Variants in AFG2A observed in about 807,000 individuals in gnomAD.
AFG2A encodes ATPase family gene 2 protein homolog A.
At chr4:122,945,354 G>A in the AFG2A span, among the ~76,000 whole-genome samples, 4 of 152,218 alleles carry the variant, frequency 2.6e-5, no homozygotes, top group Admixed American at 1.3e-4. Flanking sequence ...AATGGCGGGC[G>A]CCCCTCCCCC....
chr4:122,982,864 CTTTTTTTTTTTT>C, the AFG2A span, among the ~76,000 whole-genome samples: 1 of 93,766 alleles, frequency 1.1e-5, no homozygotes, highest in Admixed American at 1.4e-4. Flanking sequence ...TAATCTTCTT[CTTTTTTTTTTTT>C]TTTTTTTTTG....
chr4:123,207,330 G>T, the AFG2A span, among the ~76,000 whole-genome samples: 1 of 127,380 alleles, frequency 7.9e-6, no homozygotes, highest in Non-Finnish European at 1.6e-5. Flanking sequence ...TAGCTCTGTC[G>T]TCTGGGGTGG....
At chr4:123,136,474 CT>C in the AFG2A span, among the ~76,000 whole-genome samples, 3 of 151,812 alleles carry the variant, frequency 2.0e-5, no homozygotes, top group Admixed American at 2.0e-4. Flanking sequence ...CGAGACCATC[CT>C]GGCTAACATG....
chr4:123,100,503 T>C, the AFG2A span, among the ~76,000 whole-genome samples: 3 of 151,980 alleles, frequency 2.0e-5, no homozygotes, highest in African/African-American at 7.2e-5. Context: ...CATCTTTTTC[T>C]TGTGAACTAT....
the AFG2A span, among the ~76,000 whole-genome samples, chr4:123,089,128 T>C: frequency 6.6e-6 from 1 of 152,232 alleles, no homozygotes. Context: ...GACAACCTCA[T>C]GTGCATTTGA....
At chr4:123,045,197 G>A in the AFG2A span, among the ~76,000 whole-genome samples, 6 of 151,568 alleles carry the variant, frequency 4.0e-5, no homozygotes, top group African/African-American at 1.5e-4. Context: ...ATTTCTTTAA[G>A]ATCTCTAAAC....
the AFG2A span, among the ~76,000 whole-genome samples, chr4:123,092,356 C>T: frequency 5.3e-5 from 8 of 152,244 alleles, no homozygotes; most frequent in African/African-American, 1.9e-4. Context: ...TTAATAAGCT[C>T]TAAAATGTCT....
chr4:123,255,432 T>C, the AFG2A span, among the ~76,000 whole-genome samples: 1 of 151,994 alleles, frequency 6.6e-6, no homozygotes, highest in South Asian at 2.1e-4. Flanking sequence ...CAGGAGAATC[T>C]TGCAGTGAGC....
the AFG2A span, among the ~76,000 whole-genome samples, chr4:123,053,493 G>T: frequency 6.6e-6 from 1 of 152,232 alleles, no homozygotes; most frequent in Admixed American, 6.5e-5. Context: ...GTGTGAAGGA[G>T]ACTGGCCCCG....
At chr4:123,122,356 G>C in the AFG2A span, among the ~76,000 whole-genome samples, 1 of 152,296 alleles carries the variant, frequency 6.6e-6, no homozygotes, top group African/African-American at 2.4e-5. Flanking sequence ...TCACAATTTA[G>C]CGTAGCTTAC....
the AFG2A span, among the ~76,000 whole-genome samples, chr4:123,050,045 T>C: frequency 6.6e-6 from 1 of 151,034 alleles, no homozygotes; most frequent in Non-Finnish European, 1.5e-5. Flanking sequence ...TAAAATTTTC[T>C]TTTTTTTTGG....
the AFG2A span, among the ~76,000 whole-genome samples, chr4:123,049,461 G>A: frequency 6.6e-6 from 1 of 151,992 alleles, no homozygotes; most frequent in African/African-American, 2.4e-5. Context: ...GTAGAATTCA[G>A]CAGAGAAGAC....
chr4:123,222,907 A>G, the AFG2A span, among the ~76,000 whole-genome samples: 1 of 152,176 alleles, frequency 6.6e-6, no homozygotes, highest in Non-Finnish European at 1.5e-5. Flanking sequence ...CATCATATGT[A>G]TATGCCACAT....
the AFG2A span, among the ~76,000 whole-genome samples, chr4:123,098,906 A>T: frequency 6.6e-6 from 1 of 151,898 alleles, no homozygotes; most frequent in Non-Finnish European, 1.5e-5. Flanking sequence ...GGATCATAAG[A>T]TAGTTTTATT....
chr4:123,007,596 G>GT, the AFG2A span, among the ~76,000 whole-genome samples: 93 of 8,178 alleles, frequency 0.011, 1 homozygote, highest in South Asian at 0.031. Context: ...GTGTGTGTGT[G>GT]TGTGTGTGTG....
At chr4:123,315,275 C>T in the AFG2A span, 1 of 151,274 alleles carries the variant, frequency 6.6e-6, no homozygotes, top group African/African-American at 2.4e-5. Flanking sequence ...GCTCTGCCTC[C>T]TGGGTTTACT....
the AFG2A span, among the ~76,000 whole-genome samples, chr4:123,171,274 T>C: frequency 2.0e-5 from 3 of 152,178 alleles, no homozygotes; most frequent in Non-Finnish European, 2.9e-5. Context: ...ATAAATATTT[T>C]CAACATTATG....
the AFG2A span, among the ~76,000 whole-genome samples, chr4:123,143,562 C>T: frequency 6.6e-6 from 1 of 151,910 alleles, no homozygotes; most frequent in Admixed American, 6.6e-5. Flanking sequence ...TAACTAAGTA[C>T]AGTATTTGTG....
chr4:122,984,556 T>TC, the AFG2A span, among the ~76,000 whole-genome samples: 1 of 152,176 alleles, frequency 6.6e-6, no homozygotes, highest in Non-Finnish European at 1.5e-5. Context: ...TTTCAACTTT[T>TC]CCCCCATTCA....
Sources: gnomAD v4.1 joint callset for allele counts (sites outside exome capture counted in the v4.1 genomes callset) on GRCh38, gnomAD v4.1.1 for gene constraint, MANE v1.5 for transcripts, NCBI Gene and HGNC (gene_info 2026-07-23, HGNC 2026-07-21) for gene names.